The following ZFR variants were observed in gnomAD, a reference collection of about 807,000 sequenced individuals.
ZFR encodes zinc finger RNA-binding protein.
ZFR carries 19 observed loss-of-function variants against 130.7 expected under a neutral mutation model. That is an observed-to-expected ratio of 0.15 (90% CI 0.10 to 0.21). ZFR has a LOEUF of 0.21. Among genes scored for constraint, ZFR ranks in the 10% least tolerant of loss-of-function variants. The pLI, the probability that ZFR is intolerant of heterozygous loss-of-function variation, is 1.00. For synonymous variants in ZFR, 466 were observed against 456.9 expected, an observed-to-expected ratio of 1.02 and a Z score of -0.25; for missense variants, 872 against 1,321.5, an observed-to-expected ratio of 0.66 and a Z score of 5.27.
At chr5:32,365,412 T>G (rs1295474299) in intron 17 of ZFR, among the ~76,000 whole-genome samples, 1 of 152,034 alleles carries the variant, frequency 6.6e-6, no homozygotes, top group Non-Finnish European at 1.5e-5. Context: ...ATAGCGCACA[T>G]TAACAACTAT....
At chr5:32,376,834 C>G (rs1384134419) in intron 17 of ZFR, among the ~76,000 whole-genome samples, 1 of 151,988 alleles carries the variant, frequency 6.6e-6, no homozygotes, top group Non-Finnish European at 1.5e-5. Context: ...AAATTATTAG[C>G]AGGGCGTGGT....
chr5:32,387,357 C>A (rs1204122275), intron 14 of ZFR, among the ~76,000 whole-genome samples, 192 bp downstream of exon 14: 1 of 152,104 alleles, frequency 6.6e-6, no homozygotes, highest in Non-Finnish European at 1.5e-5. Context: ...CAAATATAAT[C>A]ACTATAAAAC....
rs1285802057 is a variant in ZFR at position 32,429,611 on chromosome 5, C to T, written c.138-9508G>A. 5.3e-5 allele frequency among the ~76,000 whole-genome samples: 8 copies of T among 152,198 alleles called. No homozygotes were observed. In the Middle Eastern group the frequency reaches 0.01, roughly 194 times the overall value. On this transcript the variant is annotated intron_variant, in intron 2 of 19. Transcript: ENST00000265069. ...TGAAATGCATGGGACCAGAAGTTTC[C>T]GATTTTGGAATATTTGCATTACACT... is the stretch of plus-strand genomic sequence containing the variant.
In ZFR at chr5:32,430,402, T is replaced by C. The variant is rs148674474; in HGVS notation, c.138-10299A>G. 3.0e-3 allele frequency among the ~76,000 whole-genome samples: 445 copies of C among 148,688 alleles called. 1 individual carries two copies. Among genetic ancestry groups the C allele is most frequent in the African/African-American group, 0.011 (424 of 39,120 alleles). On this transcript the variant is annotated intron_variant, in intron 2 of 19. Coordinates refer to ENST00000265069, the MANE Select transcript of ZFR (RefSeq NM_016107.5). ...TGAATGAGAAAATTATCTGTAAAAATTACCCAGAATGCACAGAGAGAGAGG... is the reference window on the plus strand; with the variant it reads ...TGAATGAGAAAATTATCTGTAAAAACTACCCAGAATGCACAGAGAGAGAGG...
intron 3 of ZFR, among the ~76,000 whole-genome samples, 168 bp from the exon 4 acceptor site, chr5:32,417,960 T>C (rs1486105196): frequency 6.6e-6 from 1 of 152,144 alleles, no homozygotes; most frequent in African/African-American, 2.4e-5. Context: ...CATTTTGTAC[T>C]TCATTAAAAT....
At chr5:32,437,994 T>A (rs978875946) in intron 2 of ZFR, among the ~76,000 whole-genome samples, 2 of 152,182 alleles carry the variant, frequency 1.3e-5, no homozygotes, top group African/African-American at 4.8e-5. Flanking sequence ...GAGATTTTTA[T>A]TGGAGTAATG....
At chr5:32,407,492 G>C (rs1340824880) in intron 5 of ZFR, among the ~76,000 whole-genome samples, 1 of 151,526 alleles carries the variant, frequency 6.6e-6, no homozygotes, top group African/African-American at 2.4e-5. Flanking sequence ...AGAGATAAAA[G>C]AAGAGGAAAA....
At chr5:32,388,445 T>G in intron 13 of ZFR, 24 bp downstream of exon 13, 3 of 1,606,672 alleles carry the variant, frequency 1.9e-6, no homozygotes, top group Non-Finnish European at 2.6e-6. Flanking sequence ...AAATTACACA[T>G]GGTAAATAAC....
rs576892231 is a variant in ZFR, at chr5:32,365,709, T to C, written c.2836-1434A>G. 1.3e-4 allele frequency among the ~76,000 whole-genome samples: 20 copies of C among 150,728 alleles called. No homozygotes were observed. The South Asian group carries it at 1.9e-3, about 14-fold the overall frequency. Reference sequence around the variant, plus strand: ...ATCACTTGAGCCCAAGAGCTTGAGGTTGCAGTGAGCTGTGGTCGTGCCGCT... The same window carrying C: ...ATCACTTGAGCCCAAGAGCTTGAGGCTGCAGTGAGCTGTGGTCGTGCCGCT... On this transcript the variant is annotated intron_variant, in intron 17 of 19. Coordinates refer to ENST00000265069, the MANE Select transcript of ZFR (RefSeq NM_016107.5).
chr5:32,388,321 T>A (rs1753082653), intron 13 of ZFR, 148 bp downstream of exon 13: 4 of 737,440 alleles, frequency 5.4e-6, no homozygotes, highest in Non-Finnish European at 8.8e-6. Flanking sequence ...TGCAAGCAGC[T>A]GCAGAATACA....
chr5:32,372,091 T>G (rs533439310), intron 17 of ZFR, among the ~76,000 whole-genome samples: 1 of 152,182 alleles, frequency 6.6e-6, no homozygotes, highest in Non-Finnish European at 1.5e-5. Context: ...CATAGTATAT[T>G]TGATGAAGAC....
rs1554073349 is a variant in ZFR at position 32,411,714 on chromosome 5, G to GGC, written c.784+3254_784+3255insGC. ...AAAAAAAAAAAAAAAAATTGAGGGG[G>GGC]GGCGGGGAATAGAAAATATAATACA... On this transcript the variant is annotated intron_variant, in intron 5 of 19. Coordinates refer to ENST00000265069, the MANE Select transcript of ZFR (RefSeq NM_016107.5). Among the ~76,000 whole-genome samples the GGC allele has an allele frequency of 1.6e-4, 9 of 54,608 alleles. 2 individuals carry two copies. The highest frequency in any genetic ancestry group is 6.5e-4 in the African/African-American group (9 of 13,778). 35.8% of individuals were successfully genotyped at this position (54,608 alleles called of 152,430 possible).
intron 4 of ZFR, among the ~76,000 whole-genome samples, chr5:32,415,515 T>TGTGTGTGTGTGCGC (rs1326041688): frequency 1.0e-5 from 1 of 97,938 alleles, no homozygotes; most frequent in African/African-American, 5.1e-5. Flanking sequence ...TGTGTGTGTG[T>TGTGTGTGTGTGCGC]GCGCGCGCGC....
At chr5:32,372,944 T>C (rs1752708806) in intron 17 of ZFR, among the ~76,000 whole-genome samples, 1 of 152,234 alleles carries the variant, frequency 6.6e-6, no homozygotes, top group South Asian at 2.1e-4. Flanking sequence ...TAAATAACCA[T>C]AGTTAATAAA....
intron 5 of ZFR, among the ~76,000 whole-genome samples, chr5:32,408,493 A>G (rs1441065478): frequency 4.6e-5 from 7 of 152,148 alleles, no homozygotes; most frequent in Admixed American, 2.0e-4. Context: ...TGTTATAAAG[A>G]TATTATGTAA....
chr5:32,378,188 T>C (rs1752865928), intron 17 of ZFR, among the ~76,000 whole-genome samples: 6 of 152,120 alleles, frequency 3.9e-5, no homozygotes, highest in South Asian at 2.1e-4. Flanking sequence ...CTCAAAAGCT[T>C]GACAACAATA....
At chr5:32,364,084 T>C (rs2111660892) in intron 18 of ZFR, 39 bp from the exon 19 acceptor site, 1 of 1,601,054 alleles carries the variant, frequency 6.2e-7, no homozygotes, top group East Asian at 2.2e-5. Context: ...TTATTAGCAT[T>C]GTCCACTTAT....
At position 32,387,638 on chromosome 5, in the gene ZFR, T is replaced by C; in HGVS notation, c.2410A>G (p.Arg804Gly). ...CACAGCAAAACAAGGTTGACATTTC[T>C]ATCTCCTCGGAGAAGTAATCCTTTT... Reference protein sequence around the residue: ...LAKGLLLRGDRNVNLVLLCSE... With the variant: ...LAKGLLLRGDGNVNLVLLCSE... The change falls in exon 14 of 20, where the codon AGA becomes GGA. Residue 804 changes from arginine to glycine, a missense_variant. This residue lies in a region of ZFR where 225 missense variants were observed against 282.4 expected (regional missense o/e 0.80). Coordinates refer to ENST00000265069, the MANE Select transcript of ZFR (RefSeq NM_016107.5). The C allele has an allele frequency of 1.9e-6, 3 of 1,613,784 alleles. No homozygotes were observed. The highest frequency in any genetic ancestry group is 2.5e-6 in the Non-Finnish European group (3 of 1,179,738).
intron 2 of ZFR, among the ~76,000 whole-genome samples, chr5:32,436,315 A>AT (rs907748711): frequency 8.0e-4 from 115 of 144,362 alleles, no homozygotes; most frequent in Middle Eastern, 3.6e-3. Context: ...CGCCCGGCTG[A>AT]TTTTTTTTTT....
Sources: allele counts gnomAD v4.1 joint callset (sites outside exome capture counted in the v4.1 genomes callset), GRCh38; gene constraint gnomAD v4.1.1; regional missense constraint gnomAD v4.1.1; transcripts MANE v1.5; gene names NCBI Gene and HGNC (gene_info 2026-07-23, HGNC 2026-07-21).